FKTN: variants seen among roughly 807,000 people sequenced by gnomAD.
FKTN encodes the protein fukutin.
Under a neutral mutation model 58.6 loss-of-function variants are expected in FKTN, and 47 were observed. The ratio of observed to expected loss-of-function variants is 0.80; its 90% CI spans 0.63 to 1.02. The LOEUF (loss-of-function observed/expected upper bound fraction) is 1.02. Ranked by LOEUF, FKTN falls within the 50% of genes least tolerant of loss-of-function variation. The pLI, the probability that FKTN is intolerant of heterozygous loss-of-function variation, is 0.00. For missense variants in FKTN, 516 were observed against 537.3 expected (o/e 0.96, Z 0.39); for synonymous variants, 178 against 191.9 (o/e 0.93, Z 0.60).
chr9:105,602,808 C>T (rs1445198456), intron 5 of FKTN, among the ~76,000 whole-genome samples: 2 of 152,080 alleles, frequency 1.3e-5, no homozygotes, highest in African/African-American at 4.8e-5. Context: ...GATCCACCTG[C>T]CTCAGCCTCC....
intron 1 of FKTN, among the ~76,000 whole-genome samples, chr9:105,560,191 AACG>A (rs1838029271): frequency 6.6e-6 from 1 of 152,228 alleles, no homozygotes; most frequent in Admixed American, 6.5e-5. Context: ...CTAGGGATAT[AACG>A]ACGAGCAAGG....
intron 10 of FKTN, among the ~76,000 whole-genome samples, chr9:105,632,448 A>T (rs2133412566): frequency 6.7e-6 from 1 of 149,494 alleles, no homozygotes; most frequent in African/African-American, 2.4e-5. Flanking sequence ...ATATAAAAAT[A>T]AAAAATAAAA....
At chr9:105,631,603 T>A (rs956652701) in intron 10 of FKTN, among the ~76,000 whole-genome samples, 1 of 151,322 alleles carries the variant, frequency 6.6e-6, no homozygotes. Flanking sequence ...AAAAAGTGGG[T>A]GAAGGACATG....
chr9:105,568,271 C>T (rs961442604), intron 1 of FKTN, among the ~76,000 whole-genome samples: 3 of 152,154 alleles, frequency 2.0e-5, no homozygotes, highest in Non-Finnish European at 4.4e-5. Flanking sequence ...GCAATGGCAA[C>T]AAAAGACAAA....
chr9:105,578,164 C>T (rs1042288516), intron 3 of FKTN, among the ~76,000 whole-genome samples: 4 of 149,890 alleles, frequency 2.7e-5, no homozygotes, highest in East Asian at 2.0e-4. Flanking sequence ...CCTTTATTTC[C>T]TTCTCCTGCC....
At chr9:105,589,854 A>G (rs1002060356) in intron 3 of FKTN, among the ~76,000 whole-genome samples, 3 of 152,180 alleles carry the variant, frequency 2.0e-5, no homozygotes, top group Non-Finnish European at 2.9e-5. Flanking sequence ...TGCGGCAGGA[A>G]TATGTCTGTC....
chr9:105,591,169 T>C (rs1240233511), intron 3 of FKTN, among the ~76,000 whole-genome samples: 1 of 152,050 alleles, frequency 6.6e-6, no homozygotes, highest in African/African-American at 2.4e-5. Context: ...ATCTAAACCA[T>C]ATTATTCTGC....
rs540633621 is a variant in FKTN, at chr9:105,605,416, G to A, written c.647+924G>A. Among the ~76,000 whole-genome samples, 357 of 152,044 alleles carry A rather than the reference G, an allele frequency of 2.3e-3. 4 individuals carry two copies. The highest frequency in any genetic ancestry group is 8.1e-3 in the African/African-American group (334 of 41,474). Reference sequence around the variant, plus strand: ...ATTATGAACTAATCTTTAAAATACCGTATTACTTCAGCATTTCAAAATCAG... The same window carrying A: ...ATTATGAACTAATCTTTAAAATACCATATTACTTCAGCATTTCAAAATCAG... On this transcript the variant is annotated intron_variant, in intron 6 of 10. Coordinates refer to ENST00000357998, the MANE Select transcript of FKTN (RefSeq NM_001079802.2).
At chr9:105,585,159 G>C (rs572333166) in intron 3 of FKTN, among the ~76,000 whole-genome samples, 3 of 152,134 alleles carry the variant, frequency 2.0e-5, no homozygotes, top group Non-Finnish European at 4.4e-5. Context: ...GAGACCAGGT[G>C]CCTGCCTGTA....
chr9:105,609,972 A>G (rs985318563), intron 7 of FKTN, among the ~76,000 whole-genome samples: 3 of 152,208 alleles, frequency 2.0e-5, no homozygotes, highest in Non-Finnish European at 2.9e-5. Flanking sequence ...ATTTGTTCAT[A>G]TCAATATAAA....
At chr9:105,604,730 A>G (rs1184692167) in intron 6 of FKTN, among the ~76,000 whole-genome samples, 3 of 152,062 alleles carry the variant, frequency 2.0e-5, no homozygotes, top group African/African-American at 7.2e-5. Context: ...CGAGGTGGGC[A>G]GATCACCTGA....
Position 105,639,680 on chromosome 9 carries a change from C to A in FKTN, c.*4416C>A. 3.3e-6 allele frequency: 3 copies of A among 916,972 alleles called. No homozygotes were observed. Among genetic ancestry groups the A allele is most frequent in the Non-Finnish European group, 3.9e-6 (3 of 766,950 alleles). 56.8% of individuals were successfully genotyped at this position (916,972 alleles called of 1,614,324 possible). On this transcript the variant is annotated 3_prime_UTR_variant, in exon 11 of 11. Transcript: ENST00000357998. ...GTATCAAGTCATTAATACAATTATA[C>A]ATTAATTATATTACATTAATACAAT...
intron 3 of FKTN, among the ~76,000 whole-genome samples, chr9:105,591,898 C>T (rs182010694): frequency 3.0e-4 from 46 of 152,364 alleles, no homozygotes; most frequent in Non-Finnish European, 5.4e-4. Flanking sequence ...ACTGTGTGCA[C>T]CTGCTTACAG....
intron 8 of FKTN, among the ~76,000 whole-genome samples, chr9:105,616,650 T>A (rs1830869532): frequency 6.6e-6 from 1 of 152,222 alleles, no homozygotes; most frequent in Non-Finnish European, 1.5e-5. Context: ...GCTTTTTCTT[T>A]ATAGTAACCA....
At chr9:105,577,234 G>T (rs1190361488) in intron 3 of FKTN, among the ~76,000 whole-genome samples, 2 of 149,588 alleles carry the variant, frequency 1.3e-5, no homozygotes, top group African/African-American at 5.0e-5. Context: ...TGGACATGAA[G>T]TCCTTGCCCA....
chr9:105,628,590 TA>T (rs1439866622), intron 10 of FKTN, among the ~76,000 whole-genome samples: 6 of 152,208 alleles, frequency 3.9e-5, no homozygotes, highest in African/African-American at 1.4e-4. Context: ...AATAAAAGCA[TA>T]TTTTCAGTAA....
intron 7 of FKTN, among the ~76,000 whole-genome samples, chr9:105,614,681 T>A (rs887579545): frequency 6.6e-6 from 1 of 152,148 alleles, no homozygotes; most frequent in African/African-American, 2.4e-5. Flanking sequence ...GCTACTAAAT[T>A]GTGATGTAAA....
chr9:105,620,198 C>A, intron 10 of FKTN, 137 bp downstream of exon 10: 1 of 690,566 alleles, frequency 1.4e-6, no homozygotes, highest in South Asian at 1.7e-5. Flanking sequence ...CTTAGCTTAC[C>A]CATAGAGTCC....
intron 1 of FKTN, among the ~76,000 whole-genome samples, chr9:105,566,355 T>G (rs372456983): frequency 1.3e-5 from 2 of 150,308 alleles, no homozygotes; most frequent in Non-Finnish European, 3.0e-5. Context: ...ATCAATGAAT[T>G]CAGGAGCTGG....
Sources: allele counts gnomAD v4.1 joint callset (sites outside exome capture counted in the v4.1 genomes callset), GRCh38; gene constraint gnomAD v4.1.1; transcripts MANE v1.5; gene names NCBI Gene and HGNC (gene_info 2026-07-23, HGNC 2026-07-21).